ZNF385D: variants seen among roughly 807,000 people sequenced by gnomAD.
The protein encoded by ZNF385D is zinc finger protein 385D.
In ZNF385D, 15 loss-of-function variants were observed where a neutral mutation model predicts 35.8. The ratio of observed to expected loss-of-function variants is 0.42; its 90% confidence interval spans 0.28 to 0.64. ZNF385D has a LOEUF of 0.64. Among genes scored for constraint, ZNF385D ranks in the 30% least tolerant of loss-of-function variants. The pLI is 0.23. For synonymous variants in ZNF385D, 212 were observed against 186.8 expected (o/e 1.13, Z -1.10); for missense variants, 474 against 494.6 (o/e 0.96, Z 0.39).
intron 3 of ZNF385D, among the ~76,000 whole-genome samples, chr3:21,802,316 T>C (rs1304609657): frequency 1.3e-5 from 2 of 152,192 alleles, no homozygotes; most frequent in Non-Finnish European, 2.9e-5. Context: ...GTAATTTCTT[T>C]GATAAATCCA....
At chr3:21,960,950 T>C (rs1247649310) in intron 3 of ZNF385D, among the ~76,000 whole-genome samples, 7 of 152,112 alleles carry the variant, frequency 4.6e-5, no homozygotes, top group Admixed American at 2.6e-4. Flanking sequence ...AGATGTTGTT[T>C]AAAAGATATA....
At chr3:21,623,239 T>C (rs987262542) in intron 2 of ZNF385D, among the ~76,000 whole-genome samples, 1 of 152,162 alleles carries the variant, frequency 6.6e-6, no homozygotes, top group African/African-American at 2.4e-5. Flanking sequence ...TAGAACCTAG[T>C]GTATGTTTAA....
intron 3 of ZNF385D, among the ~76,000 whole-genome samples, chr3:22,092,519 G>T (rs537290276): frequency 6.6e-6 from 1 of 152,114 alleles, no homozygotes; most frequent in Non-Finnish European, 1.5e-5. Context: ...TGCAGCCTCA[G>T]CAAACCCTGC....
chr3:21,853,950 G>A (rs574358717), intron 3 of ZNF385D, among the ~76,000 whole-genome samples: 1 of 151,782 alleles, frequency 6.6e-6, no homozygotes, highest in African/African-American at 2.4e-5. Context: ...GACTATTGAC[G>A]GAAAAGGAAA....
intron 3 of ZNF385D, among the ~76,000 whole-genome samples, chr3:22,167,041 C>T (rs1255744160): frequency 2.0e-5 from 3 of 152,190 alleles, no homozygotes; most frequent in Non-Finnish European, 4.4e-5. Flanking sequence ...CTAGTGATAG[C>T]GGTAGGAAGC....
At chr3:21,966,091 T>C (rs1702898126) in intron 3 of ZNF385D, among the ~76,000 whole-genome samples, 1 of 152,184 alleles carries the variant, frequency 6.6e-6, no homozygotes, top group Non-Finnish European at 1.5e-5. Context: ...ATTTTGCAAA[T>C]CTTATTTTGA....
At chr3:22,334,168 ATTTAGGC>A (rs1695061678) in intron 2 of ZNF385D, among the ~76,000 whole-genome samples, 1 of 152,154 alleles carries the variant, frequency 6.6e-6, no homozygotes, top group Non-Finnish European at 1.5e-5. Flanking sequence ...CCACTGATAT[ATTTAGGC>A]TTTAAGCAAT....
At chr3:21,447,168 C>A (rs558854525) in intron 4 of ZNF385D, among the ~76,000 whole-genome samples, 1 of 152,072 alleles carries the variant, frequency 6.6e-6, no homozygotes, top group East Asian at 1.9e-4. Context: ...AGCACCAAGA[C>A]AAATGGGTGA....
At chr3:21,823,863 T>C (rs959869961) in intron 3 of ZNF385D, among the ~76,000 whole-genome samples, 13 of 152,198 alleles carry the variant, frequency 8.5e-5, no homozygotes, top group South Asian at 2.1e-4. Context: ...GAGTTCCCAT[T>C]GCTTAGGTTT....
chr3:21,931,571 G>C (rs1370789740), intron 3 of ZNF385D, among the ~76,000 whole-genome samples: 1 of 152,074 alleles, frequency 6.6e-6, no homozygotes, highest in Non-Finnish European at 1.5e-5. Flanking sequence ...TCGTAGAGTG[G>C]AACATGTCTC....
chr3:21,436,026 C>A lies in ZNF385D; in HGVS notation c.673+944G>T, dbSNP rs188492353. 7.9e-5 allele frequency among the ~76,000 whole-genome samples: 12 copies of A among 152,268 alleles called. No individual in the cohort carries two copies. In the East Asian group the frequency reaches 2.1e-3, roughly 27 times the overall value. ...CTCAGGGTATGATTCACAAATGATT[C>A]TTTTTCTATTATAGTTGCTGACAGA... is the stretch of plus-strand genomic sequence containing the variant. On this transcript the variant is annotated intron_variant, in intron 5 of 7. Coordinates refer to ENST00000281523, the MANE Select transcript of ZNF385D (RefSeq NM_024697.3).
At chr3:21,826,163 A>G (rs1694608809) in intron 3 of ZNF385D, among the ~76,000 whole-genome samples, 1 of 152,182 alleles carries the variant, frequency 6.6e-6, no homozygotes, top group Non-Finnish European at 1.5e-5. Flanking sequence ...TCACCTGTGC[A>G]TTTCCAGGAG....
At chr3:22,358,864 G>C (rs1696276285) in intron 2 of ZNF385D, among the ~76,000 whole-genome samples, 1 of 151,488 alleles carries the variant, frequency 6.6e-6, no homozygotes, top group Non-Finnish European at 1.5e-5. Context: ...GGGCTTAAAT[G>C]TTAAATGAAA....
intron 3 of ZNF385D, among the ~76,000 whole-genome samples, chr3:21,851,169 T>C (rs377405185): frequency 6.6e-6 from 1 of 151,768 alleles, no homozygotes; most frequent in Non-Finnish European, 1.5e-5. Flanking sequence ...ATAAAAACTA[T>C]AGAAGTAAAA....
chr3:22,008,250 T>A (rs1302231357), intron 3 of ZNF385D, among the ~76,000 whole-genome samples: 2 of 152,024 alleles, frequency 1.3e-5, no homozygotes. Flanking sequence ...CAAAGGGAGA[T>A]GACAAGGAAA....
At chr3:21,576,078 C>T (rs184092706) in intron 2 of ZNF385D, among the ~76,000 whole-genome samples, 196 of 152,264 alleles carry the variant, frequency 1.3e-3, no homozygotes, top group African/African-American at 4.5e-3. Flanking sequence ...TCTACAACTG[C>T]AAACCACCAA....
chr3:22,098,817 A>G (rs759264909), intron 3 of ZNF385D, among the ~76,000 whole-genome samples: 5 of 152,092 alleles, frequency 3.3e-5, no homozygotes, highest in East Asian at 1.9e-4. Context: ...AAAGTATCAC[A>G]TACAGTGATA....
chr3:22,026,286 G>A (rs150075226), intron 3 of ZNF385D, among the ~76,000 whole-genome samples: 16 of 152,242 alleles, frequency 1.1e-4, no homozygotes, highest in African/African-American at 3.9e-4. Context: ...CCCCTTGAAT[G>A]AAGGGGAGGC....
chr3:22,294,063 A>G (rs1480298721), intron 2 of ZNF385D, among the ~76,000 whole-genome samples: 1 of 151,670 alleles, frequency 6.6e-6, no homozygotes, highest in African/African-American at 2.4e-5. Flanking sequence ...TGTATCCTAT[A>G]GAGTATTTGG....
Sources: allele counts gnomAD v4.1 joint callset (sites outside exome capture counted in the v4.1 genomes callset), GRCh38; gene constraint gnomAD v4.1.1; transcripts MANE v1.5; gene names NCBI Gene and HGNC (gene_info 2026-07-23, HGNC 2026-07-21).